Variants in GTF3C2 observed in about 807,000 individuals in gnomAD.
GTF3C2 encodes the protein general transcription factor 3C polypeptide 2.
GTF3C2 carries 17 observed loss-of-function variants against 117.4 expected under a neutral mutation model. The ratio of observed to expected loss-of-function variants is 0.14; its 90% CI spans 0.10 to 0.22. GTF3C2 has a LOEUF of 0.22. Ranked by LOEUF, GTF3C2 falls within the 10% of genes least tolerant of loss-of-function variation. The pLI is 1.00. For synonymous variants in GTF3C2, 437 were observed against 427.0 expected, an observed-to-expected ratio of 1.02 and a Z score of -0.29; for missense variants, 888 against 1,143.6, an observed-to-expected ratio of 0.78 and a Z score of 3.22.
rs748376841 is a variant in GTF3C2, at chr2:27,328,126, CAGA to C, written c.2317_2319del (p.Ser773del). The C allele has an allele frequency of 6.2e-6, 10 of 1,609,198 alleles. No individual in the cohort carries two copies. In the African/African-American group the frequency reaches 1.1e-4, roughly 17 times the overall value. Reference sequence around the variant, plus strand: ...GGAGGGTTGGGGACCCCAGATGAAGCAGAAGAATGGTCTGGACCTTCAGGACTG... The same window carrying C: ...GGAGGGTTGGGGACCCCAGATGAAGCAGAATGGTCTGGACCTTCAGGACTG... On this transcript the variant is annotated inframe_deletion, in exon 17 of 19. Transcript: ENST00000264720.
chr2:27,333,155 A>G (rs1572566404), intron 12 of GTF3C2, among the ~76,000 whole-genome samples: 1 of 129,798 alleles, frequency 7.7e-6, no homozygotes, highest in African/African-American at 2.9e-5. Context: ...GCCGGCATCT[A>G]CTCTTTTTTT....
At chr2:27,350,027 CAA>C (rs1224066423) in intron 1 of GTF3C2, among the ~76,000 whole-genome samples, 1 of 152,068 alleles carries the variant, frequency 6.6e-6, no homozygotes, top group African/African-American at 2.4e-5. Context: ...ATAACAGCAT[CAA>C]AAGATACAAA....
In GTF3C2 at chr2:27,337,561, G is replaced by A. The variant is rs1680533235; in HGVS notation, c.951-3C>T. 6.3e-7 allele frequency: 1 copy of A among 1,599,244 alleles called. No homozygotes were observed. The highest frequency in any genetic ancestry group is 8.6e-7 in the Non-Finnish European group (1 of 1,166,548). ...AGTATGAATGTTTCTGCTCTCGGCT[G>A]GAGAAACAGAAGAAGCATTAATGAA... is the stretch of plus-strand genomic sequence containing the variant. On this transcript the variant is annotated splice_polypyrimidine_tract_variant and splice_region_variant and intron_variant, in intron 5 of 18. Coordinates refer to ENST00000264720, the Ensembl canonical transcript of GTF3C2.
At chr2:27,330,096 G>A (rs945556784) in intron 12 of GTF3C2, among the ~76,000 whole-genome samples, 4 of 145,896 alleles carry the variant, frequency 2.7e-5, no homozygotes, top group Admixed American at 1.4e-4. Context: ...CAGTGAGATT[G>A]TGCCACTGCA....
chr2:27,330,869 G>A (rs1680251217), intron 12 of GTF3C2, among the ~76,000 whole-genome samples: 1 of 152,028 alleles, frequency 6.6e-6, no homozygotes, highest in Non-Finnish European at 1.5e-5. Context: ...GGCTGAGGTG[G>A]GAGAACTGCT....
chr2:27,329,338 C>A lies in GTF3C2; in HGVS notation c.1877+41G>T. 12 of 1,613,890 alleles carry A rather than the reference C, an allele frequency of 7.4e-6. No homozygotes were observed. The highest frequency in any genetic ancestry group is 1.0e-5 in the Non-Finnish European group (12 of 1,179,748). ...AACAAATCCGGAAGTCAGCCTGTCCCAGTCTTCACCTTCCCCCTCCACATA... is the reference window on the plus strand; with the variant it reads ...AACAAATCCGGAAGTCAGCCTGTCCAAGTCTTCACCTTCCCCCTCCACATA... On this transcript the variant is annotated intron_variant, in intron 13 of 18. Transcript: ENST00000264720. The surrounding 1 kb of genome is among the most constrained non-coding windows in gnomAD (Gnocchi z 4.5).
intron 1 of GTF3C2, chr2:27,356,476 C>G (rs1421933431): frequency 4.2e-6 from 1 of 238,082 alleles, no homozygotes; most frequent in East Asian, 8.5e-5. Flanking sequence ...CGCCCGGACA[C>G]AGGCTTCCGC....
chr2:27,334,641 C>T (rs1407270115), intron 10 of GTF3C2, among the ~76,000 whole-genome samples: 1 of 151,360 alleles, frequency 6.6e-6, no homozygotes, highest in East Asian at 1.9e-4. Flanking sequence ...CCCTTCACAG[C>T]GAAATTTTTT....
intron 1 of GTF3C2, chr2:27,350,558 G>A: frequency 1.1e-6 from 1 of 948,618 alleles, no homozygotes; most frequent in Non-Finnish European, 1.3e-6. Context: ...TCAACACTTT[G>A]GGAGGCCAAG....
rs906331404 is a variant in GTF3C2 at position 27,336,192 on chromosome 2, C to T, written c.1355+6G>A. 1 of 1,607,294 alleles carries T rather than the reference C, an allele frequency of 6.2e-7. No homozygotes were observed. The highest frequency in any genetic ancestry group is 8.5e-7 in the Non-Finnish European group (1 of 1,173,982). ...CCTCCCATGGCAGTGTCCAACCCCA[C>T]CTCACCAGCTTTCTTGCTGCAAGGT... On this transcript the variant is annotated splice_donor_region_variant and intron_variant, in intron 8 of 18. Coordinates refer to ENST00000264720, the Ensembl canonical transcript of GTF3C2.
chr2:27,355,926 C>G (rs1681357825), intron 1 of GTF3C2, among the ~76,000 whole-genome samples: 2 of 152,114 alleles, frequency 1.3e-5, no homozygotes, highest in Non-Finnish European at 2.9e-5. Flanking sequence ...ATTTATATTG[C>G]TTAGGTCGAG....
intron 1 of GTF3C2, among the ~76,000 whole-genome samples, chr2:27,352,641 CAGT>C (rs1681174779): frequency 6.6e-6 from 1 of 152,128 alleles, no homozygotes; most frequent in African/African-American, 2.4e-5. Context: ...CCTCCTCCTA[CAGT>C]CAAACTTTTA....
intron 1 of GTF3C2, among the ~76,000 whole-genome samples, chr2:27,344,433 G>T (rs1680847048): frequency 1.3e-5 from 2 of 152,112 alleles, no homozygotes; most frequent in African/African-American, 4.8e-5. Flanking sequence ...GGATGAAGCA[G>T]TGAATGCACA....
intron 12 of GTF3C2, among the ~76,000 whole-genome samples, chr2:27,331,741 C>T (rs905179916): frequency 6.6e-6 from 1 of 152,062 alleles, no homozygotes; most frequent in Non-Finnish European, 1.5e-5. Flanking sequence ...GAGGTGAAGA[C>T]CAGCCTGGGC....
intron 1 of GTF3C2, among the ~76,000 whole-genome samples, chr2:27,345,367 C>T (rs947151672): frequency 1.3e-5 from 2 of 152,042 alleles, no homozygotes; most frequent in Non-Finnish European, 2.9e-5. Flanking sequence ...CTGAGGCAGG[C>T]GTATTGCCTG....
intron 12 of GTF3C2, among the ~76,000 whole-genome samples, chr2:27,332,741 G>A (rs1267825614): frequency 6.7e-6 from 1 of 150,296 alleles, no homozygotes; most frequent in East Asian, 2.0e-4. Flanking sequence ...TTTTGAGATG[G>A]AGTCTCCCTC....
At position 27,332,248 on chromosome 2, in the gene GTF3C2, C is replaced by A. The variant is rs955905969; in HGVS notation, c.1732+1407G>T. 2.6e-4 allele frequency among the ~76,000 whole-genome samples: 40 copies of A among 151,896 alleles called. 2 individuals are homozygous for A. Among genetic ancestry groups the A allele is most frequent in the Non-Finnish European group, 7.4e-5 (5 of 67,978 alleles). On this transcript the variant is annotated intron_variant, in intron 12 of 18. Transcript: ENST00000264720. ...GGCCCAGTCTCCAACTCCTGGGCTG[C>A]GATCCTCCTGCCTCAGCCTCCCAAA... is the stretch of plus-strand genomic sequence containing the variant.
intron 10 of GTF3C2, chr2:27,335,200 A>G: frequency 2.1e-6 from 1 of 471,366 alleles, no homozygotes; most frequent in Middle Eastern, 6.7e-4. Context: ...AGAACAAGAG[A>G]TTGTGTTTGT....
intron 12 of GTF3C2, among the ~76,000 whole-genome samples, chr2:27,332,854 T>C (rs1680326887): frequency 6.6e-6 from 1 of 151,934 alleles, no homozygotes; most frequent in Non-Finnish European, 1.5e-5. Context: ...TAGTTGGGAC[T>C]ACAGGTGCAA....
Sources: allele counts gnomAD v4.1 joint callset (sites outside exome capture counted in the v4.1 genomes callset), GRCh38; gene constraint gnomAD v4.1.1; non-coding constraint Gnocchi (gnomAD v3.1); transcripts MANE v1.5; gene names NCBI Gene and HGNC (gene_info 2026-07-23, HGNC 2026-07-21).